The following ATF1 variants were observed in gnomAD, a reference collection of about 807,000 sequenced individuals.
ATF1 encodes the protein activating transcription factor 1.
ATF1 carries 16 observed loss-of-function variants against 34.7 expected under a neutral mutation model. The observed-to-expected ratio is 0.46, with a 90% CI of 0.31 to 0.70. The LOEUF (loss-of-function observed/expected upper bound fraction) is 0.70, where lower values mean the gene tolerates loss of function less well. ATF1 is among the 30% of genes least tolerant of loss of function. ATF1 has a pLI of 0.05. For missense variants in ATF1, 255 were observed against 321.6 expected (o/e 0.79, Z 1.58); for synonymous variants, 105 against 113.1 (o/e 0.93, Z 0.46).
intron 1 of ATF1, among the ~76,000 whole-genome samples, chr12:50,778,369 G>T (rs1415055097): frequency 6.6e-6 from 1 of 151,326 alleles, no homozygotes; most frequent in Non-Finnish European, 1.5e-5. Context: ...GGGACTGCAG[G>T]CACCTGCCCC....
chr12:50,790,163 C>T (rs1223372213), intron 2 of ATF1, among the ~76,000 whole-genome samples: 1 of 149,458 alleles, frequency 6.7e-6, no homozygotes, highest in Non-Finnish European at 1.5e-5. Flanking sequence ...GTAATGGTAA[C>T]TCTAGAGCTG....
chr12:50,777,972 C>T (rs1423869694), intron 1 of ATF1, among the ~76,000 whole-genome samples: 3 of 144,712 alleles, frequency 2.1e-5, no homozygotes, highest in Non-Finnish European at 4.5e-5. Flanking sequence ...GGCTGAAGTG[C>T]GGTAGTGTGA....
chr12:50,780,081 G>A (rs1941021411), intron 1 of ATF1, 59 bp from the exon 2 acceptor site: 1 of 1,303,800 alleles, frequency 7.7e-7, no homozygotes, highest in Non-Finnish European at 1.1e-6. Flanking sequence ...TGATTCTATA[G>A]TATACTGTAA....
chr12:50,773,282 A>G (rs1201344164), intron 1 of ATF1, among the ~76,000 whole-genome samples: 5 of 152,134 alleles, frequency 3.3e-5, no homozygotes, highest in Non-Finnish European at 7.3e-5. Context: ...GTATATACCA[A>G]TAATGGTATT....
At chr12:50,780,669 A>T (rs1941039329) in intron 2 of ATF1, among the ~76,000 whole-genome samples, 1 of 146,850 alleles carries the variant, frequency 6.8e-6, no homozygotes, top group South Asian at 2.1e-4. Context: ...AAAAAAAAAC[A>T]AAACAAGCAA....
At chr12:50,803,266 C>CT (rs965832954) in intron 3 of ATF1, among the ~76,000 whole-genome samples, 7 of 125,866 alleles carry the variant, frequency 5.6e-5, no homozygotes, top group Admixed American at 5.3e-4. Flanking sequence ...GAAACTCTGT[C>CT]TCAAAAAAAA....
chr12:50,788,427 C>A (rs1441279882), intron 2 of ATF1: 9 of 308,226 alleles, frequency 2.9e-5, no homozygotes, highest in South Asian at 2.3e-4. Context: ...CTCAAATAAT[C>A]TGCCCACCTC....
intron 3 of ATF1, among the ~76,000 whole-genome samples, chr12:50,802,871 C>CA (rs71443203): frequency 0.34 from 15,982 of 46,920 alleles, 4,594 homozygotes; most frequent in East Asian, 0.59. Context: ...GACTCCATCT[C>CA]AAAAAAAAAA....
chr12:50,765,928 T>A (rs1203671597), intron 1 of ATF1, among the ~76,000 whole-genome samples: 3 of 152,214 alleles, frequency 2.0e-5, no homozygotes, highest in African/African-American at 7.2e-5. Flanking sequence ...CAGCAGCCCT[T>A]GGGGCTGCTC....
rs972136171 is a variant in ATF1 at position 50,772,509 on chromosome 12, A to G, written c.-6-7631A>G. 3.9e-5 allele frequency among the ~76,000 whole-genome samples: 6 copies of G among 152,056 alleles called. No homozygotes were observed. In the East Asian group the frequency reaches 7.8e-4, roughly 20 times the overall value. ...CCCTGGCTAATTTTGTAGTTTTAGT[A>G]GAGACCGAGTTTCACCATGTTGGTC... On this transcript the variant is annotated intron_variant, in intron 1 of 6. Coordinates refer to ENST00000262053, the MANE Select transcript of ATF1 (RefSeq NM_005171.5).
chr12:50,810,860 T>G (rs775439188), intron 4 of ATF1, among the ~76,000 whole-genome samples: 37 of 152,214 alleles, frequency 2.4e-4, no homozygotes, highest in Non-Finnish European at 4.8e-4. Flanking sequence ...CTTGCTCTAA[T>G]AATCAGTTTT....
chr12:50,800,828 G>T (rs987746759), intron 3 of ATF1, among the ~76,000 whole-genome samples: 7 of 152,172 alleles, frequency 4.6e-5, no homozygotes, highest in African/African-American at 1.7e-4. Flanking sequence ...GGCTGGGCGC[G>T]GTGGCTCATG....
At chr12:50,763,627 A>T (rs947484023), upstream of ATF1, 1 of 148,276 alleles carries the variant, frequency 6.7e-6, no homozygotes, top group African/African-American at 2.5e-5. Flanking sequence ...GAAAAAAAAA[A>T]GAGACTCCAT....
In ATF1 at chr12:50,802,137, C is replaced by G. The variant is rs150480481; in HGVS notation, c.194+6128C>G. ...CTAATCCAAAAATGAAACTTAAAAA[C>G]AATTCTATTTACAATAACAAAGTAT... On this transcript the variant is annotated intron_variant, in intron 3 of 6. Coordinates refer to ENST00000262053, the MANE Select transcript of ATF1 (RefSeq NM_005171.5). Among the ~76,000 whole-genome samples, 3 of 152,272 alleles carry G rather than the reference C, an allele frequency of 2.0e-5. No homozygotes were observed. In the East Asian group the frequency reaches 5.8e-4, roughly 29 times the overall value.
At chr12:50,770,279 T>C (rs1011001204) in intron 1 of ATF1, among the ~76,000 whole-genome samples, 1 of 152,228 alleles carries the variant, frequency 6.6e-6, no homozygotes, top group Non-Finnish European at 1.5e-5. Context: ...ACTGAAATGG[T>C]GTGCTTTTCT....
At chr12:50,789,307 G>C (rs1941252862) in intron 2 of ATF1, among the ~76,000 whole-genome samples, 1 of 152,228 alleles carries the variant, frequency 6.6e-6, no homozygotes, top group South Asian at 2.1e-4. Flanking sequence ...GACTTCAGGT[G>C]ATCTGCCCAC....
intron 1 of ATF1, among the ~76,000 whole-genome samples, chr12:50,766,084 A>T (rs1436013812): frequency 6.6e-6 from 1 of 152,172 alleles, no homozygotes; most frequent in Non-Finnish European, 1.5e-5. Context: ...CTGTCCTGTA[A>T]CATATTTCTG....
At chr12:50,785,841 A>G (rs919062893) in intron 2 of ATF1, among the ~76,000 whole-genome samples, 12 of 152,208 alleles carry the variant, frequency 7.9e-5, no homozygotes, top group African/African-American at 2.9e-4. Context: ...GCCTGCTTCA[A>G]GTCCAGCAGG....
At chr12:50,815,222 G>C (rs1385817128) in intron 6 of ATF1, among the ~76,000 whole-genome samples, 1 of 152,110 alleles carries the variant, frequency 6.6e-6, no homozygotes, top group African/African-American at 2.4e-5. Context: ...ACAGCTCCCT[G>C]TGTGTTATTG....
Sources: allele counts gnomAD v4.1 joint callset (sites outside exome capture counted in the v4.1 genomes callset), GRCh38; gene constraint gnomAD v4.1.1; transcripts MANE v1.5; gene names NCBI Gene and HGNC (gene_info 2026-07-23, HGNC 2026-07-21).